Variants in ADAMTSL1 observed in about 807,000 individuals in gnomAD.
ADAMTSL1 encodes the protein ADAMTS-like protein 1.
ADAMTSL1 carries 126 observed loss-of-function variants against 201.8 expected under a neutral mutation model. That is an observed-to-expected ratio of 0.62 (90% CI 0.54 to 0.72). The LOEUF is 0.72. ADAMTSL1 is among the 30% of genes least tolerant of loss of function. The pLI is 0.00. For synonymous variants in ADAMTSL1, 1,121 were observed against 903.4 expected (o/e 1.24, Z -4.32); for missense variants, 2,679 against 2,277.8 (o/e 1.18, Z -3.59).
intron 1 of ADAMTSL1, among the ~76,000 whole-genome samples, chr9:18,099,349 ATATATATTTT>A (rs1318621047): frequency 0.02 from 988 of 49,246 alleles, 36 homozygotes; most frequent in African/African-American, 0.063. Context: ...ATATATATAT[ATATATATTTT>A]TTTTTTTTTT....
chr9:18,673,227 A>C (rs1829934566), intron 9 of ADAMTSL1, among the ~76,000 whole-genome samples: 1 of 151,888 alleles, frequency 6.6e-6, no homozygotes. Context: ...TATGATTCAC[A>C]CTTTGCTTAA....
chr9:18,665,348 A>C (rs1829367018), intron 9 of ADAMTSL1, among the ~76,000 whole-genome samples: 1 of 152,116 alleles, frequency 6.6e-6, no homozygotes, highest in Admixed American at 6.6e-5. Context: ...AAAATCATAA[A>C]TATCATCAGT....
intron 2 of ADAMTSL1, among the ~76,000 whole-genome samples, chr9:18,238,264 T>C (rs1030012227): frequency 1.3e-5 from 2 of 152,184 alleles, no homozygotes; most frequent in African/African-American, 4.8e-5. Flanking sequence ...GTCATAGAAA[T>C]ACAGAAGAAA....
In ADAMTSL1 at chr9:18,526,337, C is replaced by T. The variant is rs1456237477; in HGVS notation, c.192-6910C>T. ...TGTTTTGAGCCTATGTGTGTCTCTG[C>T]ACATGAGATGGGTCTCCTGAATACA... On this transcript the variant is annotated intron_variant, in intron 2 of 28. Transcript: ENST00000380548. 4.6e-5 allele frequency among the ~76,000 whole-genome samples: 7 copies of T among 152,336 alleles called. No homozygotes were observed. The East Asian group carries it at 1.2e-3, about 25-fold the overall frequency.
intron 1 of ADAMTSL1, among the ~76,000 whole-genome samples, chr9:18,099,355 A>ATATATATTTT (rs1239180390): frequency 1.5e-4 from 7 of 45,544 alleles, no homozygotes; most frequent in Non-Finnish European, 2.0e-4. Flanking sequence ...ATATATATAT[A>ATATATATTTT]TTTTTTTTTT....
At chr9:18,133,779 A>G (rs1411813864) in intron 1 of ADAMTSL1, among the ~76,000 whole-genome samples, 1 of 152,160 alleles carries the variant, frequency 6.6e-6, no homozygotes. Context: ...CACGGAAATC[A>G]TTATGGTATT....
At chr9:18,516,456 C>T (rs1007854839) in intron 2 of ADAMTSL1, among the ~76,000 whole-genome samples, 3 of 152,184 alleles carry the variant, frequency 2.0e-5, no homozygotes, top group Non-Finnish European at 4.4e-5. Context: ...CCAGCCACTG[C>T]CTTTGGGCTT....
chr9:18,023,988 T>C (rs926289321), intron 1 of ADAMTSL1, among the ~76,000 whole-genome samples: 5 of 152,156 alleles, frequency 3.3e-5, no homozygotes, highest in African/African-American at 9.7e-5. Context: ...TATAGATCTT[T>C]ATTCAAATGT....
At chr9:18,880,805 G>A (rs1239549048) in intron 23 of ADAMTSL1, among the ~76,000 whole-genome samples, 1 of 152,184 alleles carries the variant, frequency 6.6e-6, no homozygotes, top group Non-Finnish European at 1.5e-5. Flanking sequence ...CTTCTCTCTA[G>A]TTATCAAGCT....
intron 27 of ADAMTSL1, among the ~76,000 whole-genome samples, 174 bp downstream of exon 27, chr9:18,906,065 C>T (rs184749137): frequency 2.0e-4 from 31 of 152,302 alleles, no homozygotes; most frequent in South Asian, 4.1e-4. Flanking sequence ...GACTCAGTGT[C>T]GGTCTTGTGC....
intron 2 of ADAMTSL1, among the ~76,000 whole-genome samples, chr9:18,328,951 T>C (rs971719516): frequency 6.6e-6 from 1 of 152,168 alleles, no homozygotes; most frequent in Non-Finnish European, 1.5e-5. Context: ...TGGATGATTG[T>C]CCAATCAAAG....
rs149423546 is a variant in ADAMTSL1, at chr9:17,954,009, T to C, written c.87+47087T>C. 1.3e-3 allele frequency among the ~76,000 whole-genome samples: 194 copies of C among 152,318 alleles called. 3 individuals are homozygous for C. The highest frequency in any genetic ancestry group is 4.5e-3 in the African/African-American group (185 of 41,568). ...ACATCACGTGCCTATTTAATATGGCTTCTTCATTCACGAGTCTGGAGTCTG... is the reference window on the plus strand; with the variant it reads ...ACATCACGTGCCTATTTAATATGGCCTCTTCATTCACGAGTCTGGAGTCTG... On this transcript the variant is annotated intron_variant, in intron 1 of 29. Transcript: ENST00000680146.
At chr9:18,302,610 G>T (rs1463802875) in intron 2 of ADAMTSL1, among the ~76,000 whole-genome samples, 1 of 152,124 alleles carries the variant, frequency 6.6e-6, no homozygotes, top group African/African-American at 2.4e-5. Context: ...AATACACACT[G>T]GTTGATTTTA....
chr9:17,982,566 C>T (rs941484658), intron 1 of ADAMTSL1, among the ~76,000 whole-genome samples: 5 of 152,112 alleles, frequency 3.3e-5, no homozygotes, highest in East Asian at 1.9e-4. Flanking sequence ...AAGCCGAGAT[C>T]GTGCCACTGC....
intron 1 of ADAMTSL1, among the ~76,000 whole-genome samples, chr9:18,056,815 A>C (rs1350812122): frequency 6.6e-6 from 1 of 152,064 alleles, no homozygotes; most frequent in Non-Finnish European, 1.5e-5. Context: ...GTTTCTGCCC[A>C]ACTTCTCTCC....
intron 26 of ADAMTSL1, among the ~76,000 whole-genome samples, chr9:18,899,843 G>C (rs539450472): frequency 6.2e-4 from 89 of 143,224 alleles, no homozygotes; most frequent in Middle Eastern, 6.9e-3. Context: ...AACCCTAGAA[G>C]AAAATCGAGG....
chr9:18,233,062 C>G (rs1269799700), intron 2 of ADAMTSL1, among the ~76,000 whole-genome samples: 2 of 152,148 alleles, frequency 1.3e-5, no homozygotes, highest in Non-Finnish European at 2.9e-5. Flanking sequence ...CGAGGTTCCT[C>G]AAGCACAGAG....
intron 23 of ADAMTSL1, among the ~76,000 whole-genome samples, chr9:18,838,569 G>C (rs752183175): frequency 5.9e-5 from 9 of 152,158 alleles, no homozygotes; most frequent in Non-Finnish European, 1.2e-4. Flanking sequence ...ATTCACACCT[G>C]TAATCCCAAT....
chr9:18,378,524 A>T (rs1473335348), intron 2 of ADAMTSL1, among the ~76,000 whole-genome samples: 3 of 152,204 alleles, frequency 2.0e-5, no homozygotes, highest in Non-Finnish European at 4.4e-5. Context: ...AAACAGAAAA[A>T]TGTCTTTGCT....
Sources: allele counts gnomAD v4.1 joint callset (sites outside exome capture counted in the v4.1 genomes callset), GRCh38; gene constraint gnomAD v4.1.1; transcripts MANE v1.5; gene names NCBI Gene and HGNC (gene_info 2026-07-23, HGNC 2026-07-21).